The following ZNF692 variants were observed in gnomAD, a reference collection of about 807,000 sequenced individuals.
ZNF692 encodes zinc finger protein 692.
In ZNF692, 41 loss-of-function variants were observed where a neutral mutation model predicts 49.0. The observed-to-expected ratio is 0.84, with a 90% CI of 0.65 to 1.08. The LOEUF (loss-of-function observed/expected upper bound fraction) is 1.08, where lower values mean the gene tolerates loss of function less well. ZNF692 is among the 50% of genes least tolerant of loss of function. The probability of loss-of-function intolerance (pLI) is 0.00; values close to 1 mark genes in which losing one functional copy is unlikely to be tolerated. For missense variants in ZNF692, 662 were observed against 662.2 expected (o/e 1.00, Z 0.00); for synonymous variants, 288 against 251.5 (o/e 1.15, Z -1.37).
Position 248,859,025 on chromosome 1 carries a change from C to G in ZNF692, c.-120G>C, listed in dbSNP as rs1020625602. The G allele has an allele frequency of 1.3e-5, 2 of 156,270 alleles. No individual in the cohort carries two copies. Among genetic ancestry groups the G allele is most frequent in the African/African-American group, 4.8e-5 (2 of 41,534 alleles). 9.7% of individuals were successfully genotyped at this position (156,270 alleles called of 1,614,324 possible). ...AAGACAGGGGCCCACCTCGCGCGCGCAGCGTTTCTCTTTTAAGAAGAAACG... is the reference window on the plus strand; with the variant it reads ...AAGACAGGGGCCCACCTCGCGCGCGGAGCGTTTCTCTTTTAAGAAGAAACG... On this transcript the variant is annotated 5_prime_UTR_variant, in exon 1 of 12. Transcript: ENST00000306601.
Position 248,857,000 on chromosome 1 carries a change from TAC to T in ZNF692, c.475+232_475+233del, listed in dbSNP as rs150269407. Among the ~76,000 whole-genome samples, 18 of 152,124 alleles carry T rather than the reference TAC, an allele frequency of 1.2e-4. 1 individual carries two copies. Among genetic ancestry groups the T allele is most frequent in the Admixed American group, 3.3e-4 (5 of 15,288 alleles). ...TCATACATTCGCAAGTACTTACACA[TAC>T]ACACACACACATTCACTTTCCCCTT... On this transcript the variant is annotated intron_variant, in intron 4 of 11. Transcript: ENST00000306601.
intron 6 of ZNF692, 59 bp from the exon 7 acceptor site, chr1:248,856,005 G>A: frequency 6.5e-7 from 1 of 1,539,154 alleles, no homozygotes; most frequent in South Asian, 1.1e-5. Flanking sequence ...GCCATCCCCT[G>A]CCCGACCCTA....
chr1:248,851,595 C>T (rs1425788430), intron 10 of ZNF692, among the ~76,000 whole-genome samples: 2 of 151,966 alleles, frequency 1.3e-5, no homozygotes, highest in Non-Finnish European at 2.9e-5. Flanking sequence ...CATCACTCCC[C>T]CTCCATCCAC....
intron 10 of ZNF692, among the ~76,000 whole-genome samples, chr1:248,851,665 C>G (rs1416594458): frequency 6.6e-6 from 1 of 152,136 alleles, no homozygotes; most frequent in Non-Finnish European, 1.5e-5. Flanking sequence ...TCAATCAGCA[C>G]TCCAGCCCTC....
At position 248,858,521 on chromosome 1, in the gene ZNF692, G is replaced by C; in HGVS notation, c.-12-200C>G. 1 of 1,551,760 alleles carries C rather than the reference G, an allele frequency of 6.4e-7. No individual in the cohort carries two copies. Among genetic ancestry groups the C allele is most frequent in the Non-Finnish European group, 8.7e-7 (1 of 1,147,006 alleles). On this transcript the variant is annotated intron_variant, in intron 1 of 11. Coordinates refer to ENST00000306601, the MANE Select transcript of ZNF692 (RefSeq NM_017865.4). This position sits in a 1 kb window ranked among gnomAD's most constrained non-coding sequence, Gnocchi z 4.3. The stretch of plus-strand genomic sequence containing the variant: ...TGAAGCTCAGCGCTACCATGTGAGT[G>C]TCGTCGGGTGGGAGGCAGGCAGACA...
At chr1:248,854,242 C>T (rs1310827483) in intron 9 of ZNF692, 191 bp from the exon 10 acceptor site, 2 of 564,668 alleles carry the variant, frequency 3.5e-6, no homozygotes, top group Admixed American at 6.1e-5. Context: ...ATGAGTACCA[C>T]ACCCATCCCA....
Position 248,856,429 on chromosome 1 carries a change from G to T in ZNF692, c.525-7C>A. 6.2e-7 allele frequency: 1 copy of T among 1,613,870 alleles called. No homozygotes were observed. Among genetic ancestry groups the T allele is most frequent in the Non-Finnish European group, 8.5e-7 (1 of 1,179,846 alleles). ...TGGTGGGGGTCCCACCCTCCTGCAGGCCCAAAGAAGGCAAGCCTGAGGTCC... is the reference window on the plus strand; with the variant it reads ...TGGTGGGGGTCCCACCCTCCTGCAGTCCCAAAGAAGGCAAGCCTGAGGTCC... On this transcript the variant is annotated splice_region_variant and splice_polypyrimidine_tract_variant and intron_variant, in intron 5 of 11. Coordinates refer to ENST00000306601, the MANE Select transcript of ZNF692 (RefSeq NM_017865.4).
Position 248,850,228 on chromosome 1 carries a change from G to A in ZNF692, c.1542C>T (p.Thr514=). Residue 514 remains threonine (T), a synonymous_variant, in exon 12 of 12, where the codon ACC becomes ACT. Transcript: ENST00000306601. ...GGAGAGCTCATTGCTGAGGAAGCAG[G>A]GTTGGAGCCTGAGGAGATGCAGAGG... The part of the protein sequence containing the change: ...SRPSASPQAP[T]LLPQQ 1 of 1,532,756 alleles carries A rather than the reference G, an allele frequency of 6.5e-7. No homozygotes were observed. Among genetic ancestry groups the A allele is most frequent in the Non-Finnish European group, 8.8e-7 (1 of 1,140,124 alleles). The allele number at this position is 1,532,756 out of a possible 1,614,324, so 94.9% of individuals were successfully genotyped here. A position where few individuals can be genotyped will look rare whatever the true frequency, so the allele number is the denominator to read the frequency against.
rs527864728 is a variant in ZNF692, at chr1:248,857,376, C to A, written c.333G>T (p.Val111=). ...AGGTATGGCCTGCTGAGCACTCCCA[C>A]ACAAGCCCCCCATCTTGGCCGCCAG... ...RGPGGQDGGL[V]WECSAGHTFS... The change falls in exon 4 of 12, where the codon GTG becomes GTT. Residue 111 remains valine, a synonymous_variant. Coordinates refer to ENST00000306601, the MANE Select transcript of ZNF692 (RefSeq NM_017865.4). The A allele has an allele frequency of 2.5e-6, 4 of 1,614,180 alleles. No homozygotes were observed. In the African/African-American group the frequency reaches 4.0e-5, roughly 16 times the overall value.
At chr1:248,855,179 C>A (rs1293222201) in intron 9 of ZNF692, among the ~76,000 whole-genome samples, 1 of 152,216 alleles carries the variant, frequency 6.6e-6, no homozygotes, top group Admixed American at 6.5e-5. Flanking sequence ...CAATGCCTAA[C>A]CTTTCTGTCT....
intron 6 of ZNF692, 159 bp from the exon 7 acceptor site, chr1:248,856,105 C>G (rs942729008): frequency 9.1e-6 from 11 of 1,208,062 alleles, no homozygotes; most frequent in Non-Finnish European, 8.0e-6. Flanking sequence ...CTCAATCTCC[C>G]TGCACCTGAC....
intron 3 of ZNF692, 146 bp downstream of exon 3, chr1:248,857,682 T>A: frequency 2.7e-6 from 4 of 1,471,076 alleles, no homozygotes; most frequent in Non-Finnish European, 3.6e-6. Flanking sequence ...CACCCAGAGG[T>A]TGCCTCCATC....
rs112239329 is a variant in ZNF692 at position 248,857,810 on chromosome 1, C to G, written c.211+18G>C. The G allele has an allele frequency of 6.2e-7, 1 of 1,613,012 alleles. No homozygotes were observed. Among genetic ancestry groups the G allele is most frequent in the Non-Finnish European group, 8.5e-7 (1 of 1,179,222 alleles). ...CCCTCTTCCCTCTGGCTCTCACCCCCTGCCATCCCCTACCTACCTGCACAG... is the reference window on the plus strand; with the variant it reads ...CCCTCTTCCCTCTGGCTCTCACCCCGTGCCATCCCCTACCTACCTGCACAG... On this transcript the variant is annotated intron_variant, in intron 3 of 11. Transcript: ENST00000306601.
chr1:248,855,564 C>T lies in ZNF692; in HGVS notation c.953G>A (p.Arg318Lys). 1.2e-6 allele frequency: 2 copies of T among 1,614,200 alleles called. No homozygotes were observed. The highest frequency in any genetic ancestry group is 1.7e-6 in the Non-Finnish European group (2 of 1,180,036). Residue 318 changes from arginine to lysine, a missense_variant, in exon 8 of 12, where the codon AGA (arginine) becomes AAA (lysine). Transcript: ENST00000306601. ...CCATCTCCCTAAGTCCTACCTAATTCTCTTGGGGCCAATTTGTGCAGTGTC... is the reference window on the plus strand; with the variant it reads ...CCATCTCCCTAAGTCCTACCTAATTTTCTTGGGGCCAATTTGTGCAGTGTC... ...DEDTAQIGPK[R>K]IRKAAKRELM...
At chr1:248,853,089 A>T (rs1256661029) in intron 10 of ZNF692, among the ~76,000 whole-genome samples, 2 of 152,140 alleles carry the variant, frequency 1.3e-5, no homozygotes, top group African/African-American at 4.8e-5. Context: ...GAATCCTCCA[A>T]GTTACCCAAC....
At chr1:248,851,738 C>T (rs1659625566) in intron 10 of ZNF692, among the ~76,000 whole-genome samples, 1 of 152,150 alleles carries the variant, frequency 6.6e-6, no homozygotes, top group Non-Finnish European at 1.5e-5. Context: ...AGGTCACACC[C>T]ATGCACTGCA....
At chr1:248,857,928 A>G (rs753307984) in intron 2 of ZNF692, 69 bp from the exon 3 acceptor site, 44 of 1,595,270 alleles carry the variant, frequency 2.8e-5, no homozygotes, top group Admixed American at 3.5e-5. Context: ...GCACTCACAC[A>G]TGTAAGGGGC....
Position 248,858,119 on chromosome 1 carries a change from C to T in ZNF692, c.179+12G>A. On this transcript the variant is annotated intron_variant, in intron 2 of 11. Coordinates refer to ENST00000306601, the MANE Select transcript of ZNF692 (RefSeq NM_017865.4). This position sits in a 1 kb window ranked among gnomAD's most constrained non-coding sequence, Gnocchi z 4.3. Reference sequence around the variant, plus strand: ...GGGTACCCTCCCCCAAGCCCTTCTCCCGGCCCCTAACCGGTCCAACAGGAA... The same window carrying T: ...GGGTACCCTCCCCCAAGCCCTTCTCTCGGCCCCTAACCGGTCCAACAGGAA... 1 of 1,560,108 alleles carries T rather than the reference C, an allele frequency of 6.4e-7. No individual in the cohort carries two copies. The highest frequency in any genetic ancestry group is 1.4e-5 in the African/African-American group (1 of 74,020).
Position 248,851,536 on chromosome 1 carries a change from G to A in ZNF692, c.1154-755C>T, listed in dbSNP as rs980768998. ...TAACATCCCCACCTCTCTGAAGACC[G>A]CACCATCAGACCACACAAACACACA... On this transcript the variant is annotated intron_variant, in intron 10 of 11. Transcript: ENST00000306601. Among the ~76,000 whole-genome samples, 8 of 152,060 alleles carry A rather than the reference G, an allele frequency of 5.3e-5. No individual in the cohort carries two copies. The South Asian group carries it at 1.2e-3, about 24-fold the overall frequency.
Sources: gnomAD v4.1 joint callset for allele counts (sites outside exome capture counted in the v4.1 genomes callset) on GRCh38, gnomAD v4.1.1 for gene constraint, Gnocchi (gnomAD v3.1) non-coding constraint, MANE v1.5 for transcripts, NCBI Gene and HGNC (gene_info 2026-07-23, HGNC 2026-07-21) for gene names.